The following CCDC7 variants were observed in gnomAD, a reference collection of about 807,000 sequenced individuals.
CCDC7 encodes coiled-coil domain containing 7.
Under a neutral mutation model 196.9 loss-of-function variants are expected in CCDC7, and 183 were observed. The observed-to-expected ratio is 0.93, with a 90% CI of 0.82 to 1.05. The LOEUF (loss-of-function observed/expected upper bound fraction) is 1.05, where lower values mean the gene tolerates loss of function less well. Ranked by LOEUF, CCDC7 falls within the 50% of genes least tolerant of loss-of-function variation. CCDC7 has a pLI of 0.00. For synonymous variants in CCDC7, 525 were observed against 484.6 expected (o/e 1.08, Z -1.10); for missense variants, 1,540 against 1,482.2 (o/e 1.04, Z -0.64).
At chr10:32,456,452 T>C in intron 3 of CCDC7, 118 bp downstream of exon 4, 1 of 785,408 alleles carries the variant, frequency 1.3e-6, no homozygotes. Context: ...TAAGAAATTA[T>C]AAATGGCATT....
intron 21 of CCDC7, among the ~76,000 whole-genome samples, chr10:32,683,807 A>T (rs190404227): frequency 1.3e-5 from 2 of 152,294 alleles, no homozygotes; most frequent in East Asian, 3.9e-4. Flanking sequence ...ATCAGGCAGA[A>T]GTAGGGTGGC....
At chr10:32,726,183 A>T in intron 25 of CCDC7, among the ~76,000 whole-genome samples, 1 of 151,822 alleles carries the variant, frequency 6.6e-6, no homozygotes, top group African/African-American at 2.4e-5. Flanking sequence ...TTTTAAGATT[A>T]TTTTTCACTT....
chr10:32,867,570 T>C (rs1252342616), intron 41 of CCDC7, among the ~76,000 whole-genome samples: 1 of 151,090 alleles, frequency 6.6e-6, no homozygotes. Flanking sequence ...AAAACCCTAT[T>C]ATACAAAAAG....
chr10:32,576,944 C>T (rs997872610), intron 16 of CCDC7, among the ~76,000 whole-genome samples: 5 of 152,144 alleles, frequency 3.3e-5, no homozygotes, highest in African/African-American at 1.2e-4. Flanking sequence ...TTTCATGTCA[C>T]ATGTTTTCCT....
intron 25 of CCDC7, chr10:32,725,361 A>G (rs747074147): frequency 5.7e-5 from 27 of 470,910 alleles, no homozygotes; most frequent in South Asian, 3.9e-4. Flanking sequence ...TCTGCCCCCA[A>G]CACTCTTGCC....
chr10:32,511,507 A>C (rs1353630793), intron 9 of CCDC7: 2 of 1,603,768 alleles, frequency 1.2e-6, no homozygotes, highest in Non-Finnish European at 1.7e-6. Context: ...GATGTTCCTT[A>C]GGATTAACTC....
intron 28 of CCDC7, among the ~76,000 whole-genome samples, chr10:32,737,429 T>G (rs1360028287): frequency 6.6e-6 from 1 of 152,198 alleles, no homozygotes; most frequent in African/African-American, 2.4e-5. Flanking sequence ...TGTTAAGGTT[T>G]GTCTTATAGC....
At chr10:32,553,103 CT>C (rs34656193) in intron 13 of CCDC7, among the ~76,000 whole-genome samples, 41,842 of 123,360 alleles carry the variant, frequency 0.34, 6,384 homozygotes, top group South Asian at 0.5. Flanking sequence ...TTCTTGGAGT[CT>C]TTTTTTTTTT....
At chr10:32,485,368 AT>A (rs1261321355) in intron 8 of CCDC7, among the ~76,000 whole-genome samples, 1 of 152,084 alleles carries the variant, frequency 6.6e-6, no homozygotes, top group Non-Finnish European at 1.5e-5. Context: ...TATTGCGTCT[AT>A]TTGATTCTTC....
intron 25 of CCDC7, among the ~76,000 whole-genome samples, chr10:32,720,085 A>C (rs2082175763): frequency 6.6e-6 from 1 of 152,180 alleles, no homozygotes; most frequent in African/African-American, 2.4e-5. Flanking sequence ...ATAAAGACAC[A>C]TGCACACGTA....
chr10:32,698,185 C>T (rs1416606429), intron 24 of CCDC7, among the ~76,000 whole-genome samples: 3 of 152,098 alleles, frequency 2.0e-5, no homozygotes, highest in Non-Finnish European at 2.9e-5. Context: ...CACAACAAAA[C>T]CCATTTGTAG....
At chr10:32,746,383 G>A (rs2133313698) in intron 28 of CCDC7, among the ~76,000 whole-genome samples, 1 of 152,316 alleles carries the variant, frequency 6.6e-6, no homozygotes, top group South Asian at 2.1e-4. Context: ...CTGGCAGGGA[G>A]AGCTGCTTTA....
intron 41 of CCDC7, among the ~76,000 whole-genome samples, chr10:32,874,408 G>A (rs1349453357): frequency 2.0e-5 from 3 of 151,442 alleles, no homozygotes; most frequent in Non-Finnish European, 2.9e-5. Context: ...ATACCCAATA[G>A]GTAGTTTTTC....
chr10:32,679,983 A>T (rs2075622546), intron 21 of CCDC7, among the ~76,000 whole-genome samples: 1 of 152,232 alleles, frequency 6.6e-6, no homozygotes. Flanking sequence ...TTATGTTTAC[A>T]ATGTCAGATA....
intron 20 of CCDC7, among the ~76,000 whole-genome samples, chr10:32,646,994 C>G (rs981834211): frequency 6.6e-6 from 1 of 152,026 alleles, no homozygotes; most frequent in East Asian, 1.9e-4. Flanking sequence ...AGTTGGGCAA[C>G]GAGATTGATT....
At chr10:32,490,809 A>T (rs1172088660) in intron 8 of CCDC7, among the ~76,000 whole-genome samples, 1 of 152,038 alleles carries the variant, frequency 6.6e-6, no homozygotes, top group Non-Finnish European at 1.5e-5. Context: ...AAAAAAAAAA[A>T]GTTGGTGTTT....
chr10:32,729,922 A>C (rs1026300029), intron 28 of CCDC7, among the ~76,000 whole-genome samples: 9 of 151,954 alleles, frequency 5.9e-5, no homozygotes, highest in Non-Finnish European at 8.8e-5. Context: ...ATTATGTTTA[A>C]CTTCTTTGTT....
intron 13 of CCDC7, among the ~76,000 whole-genome samples, chr10:32,544,589 A>G (rs994223422): frequency 2.0e-4 from 30 of 152,188 alleles, no homozygotes; most frequent in African/African-American, 4.3e-4. Context: ...CATGGAGGAA[A>G]GAGCATCATA....
intron 11 of CCDC7, among the ~76,000 whole-genome samples, chr10:32,528,650 G>GTGTGTGTA (rs1554824534): frequency 5.3e-5 from 7 of 133,296 alleles, no homozygotes; most frequent in Non-Finnish European, 1.1e-4. Context: ...GTGTGTGTGT[G>GTGTGTGTA]TATATATATA....
Sources: allele counts gnomAD v4.1 joint callset (sites outside exome capture counted in the v4.1 genomes callset), GRCh38; gene constraint gnomAD v4.1.1; transcripts MANE v1.5; gene names NCBI Gene and HGNC (gene_info 2026-07-23, HGNC 2026-07-21).